FBP1: variants seen among roughly 807,000 people sequenced by gnomAD.
FBP1 encodes fructose-bisphosphatase 1, also known as fructose-1,6-bisphosphatase 1.
In FBP1, 22 loss-of-function variants were observed where a neutral mutation model predicts 29.9. The ratio of observed to expected loss-of-function variants is 0.74; its 90% confidence interval spans 0.53 to 1.05. FBP1 has a LOEUF of 1.05. Ranked by LOEUF, FBP1 falls within the 50% of genes least tolerant of loss-of-function variation. The probability of loss-of-function intolerance (pLI) is 0.00; values close to 1 mark genes in which losing one functional copy is unlikely to be tolerated. For synonymous variants in FBP1, 175 were observed against 178.6 expected (o/e 0.98, Z 0.16); for missense variants, 345 against 448.2 (o/e 0.77, Z 2.08).
At chr9:94,621,724 GT>G (rs1444325881) in intron 1 of FBP1, among the ~76,000 whole-genome samples, 2 of 152,134 alleles carry the variant, frequency 1.3e-5, no homozygotes, top group Admixed American at 1.3e-4. Flanking sequence ...GGTGTTTTTG[GT>G]TTTGCCCAGA....
At chr9:94,621,691 G>A (rs1350306073) in intron 1 of FBP1, among the ~76,000 whole-genome samples, 1 of 152,070 alleles carries the variant, frequency 6.6e-6, no homozygotes, top group Non-Finnish European at 1.5e-5. Context: ...GTGTCTCAGT[G>A]CTTTTTACAT....
Position 94,603,260 on chromosome 9 carries a change from A to T in FBP1, c.*121T>A. On this transcript the variant is annotated 3_prime_UTR_variant, in exon 7 of 7. Coordinates refer to ENST00000375326, the MANE Select transcript of FBP1 (RefSeq NM_000507.4). ...CATTCTACAGCATTTGATGGTGGAA[A>T]TAGTCATGCTTTTTATTTCTGCTCT... The T allele has an allele frequency of 1.2e-6, 1 of 833,980 alleles. No individual in the cohort carries two copies. Among genetic ancestry groups the T allele is most frequent in the East Asian group, 2.7e-5 (1 of 37,676 alleles). 51.7% of individuals were successfully genotyped at this position (833,980 alleles called of 1,614,324 possible).
At position 94,639,416 on chromosome 9, in the gene FBP1, T is replaced by TGCAGGTGCGGGCG. The variant is rs1407737102; in HGVS notation, c.-119_-107dup. Reference sequence around the variant, plus strand: ...TAGGCACTGGCCGCAGGTGCGGAGCTGCAGGTGCGGGCGGCAGGTGCGGGC... The same window carrying TGCAGGTGCGGGCG: ...TAGGCACTGGCCGCAGGTGCGGAGCTGCAGGTGCGGGCGGCAGGTGCGGGCGGCAGGTGCGGGC... On this transcript the variant is annotated 5_prime_UTR_variant, in exon 1 of 7. Transcript: ENST00000375326. The TGCAGGTGCGGGCG allele has an allele frequency of 2.2e-6, 3 of 1,337,790 alleles. No individual in the cohort carries two copies. The highest frequency in any genetic ancestry group is 2.1e-6 in the Non-Finnish European group (2 of 957,956). 82.9% of individuals were successfully genotyped at this position (1,337,790 alleles called of 1,614,324 possible).
chr9:94,637,682 C>T (rs1443279279), intron 1 of FBP1, among the ~76,000 whole-genome samples: 4 of 152,134 alleles, frequency 2.6e-5, no homozygotes, highest in Admixed American at 6.5e-5. Flanking sequence ...AGAGCCTACG[C>T]GCCCAGCCCA....
rs1827637291 is a variant in FBP1 at position 94,603,274 on chromosome 9, TA to T, written c.*106del. The T allele has an allele frequency of 1.1e-6, 1 of 926,946 alleles. No individual in the cohort carries two copies. The highest frequency in any genetic ancestry group is 1.7e-6 in the Non-Finnish European group (1 of 578,408). The allele number at this position is 926,946 out of a possible 1,614,324, so 57.4% of individuals were successfully genotyped here. On this transcript the variant is annotated 3_prime_UTR_variant, in exon 7 of 7. Coordinates refer to ENST00000375326, the MANE Select transcript of FBP1 (RefSeq NM_000507.4). ...TGATGGTGGAAATAGTCATGCTTTT[TA>T]TTTCTGCTCTCTAGGAATGTAAGGT...
At chr9:94,612,416 A>G (rs1235879730) in intron 3 of FBP1, among the ~76,000 whole-genome samples, 1 of 152,210 alleles carries the variant, frequency 6.6e-6, no homozygotes, top group African/African-American at 2.4e-5. Context: ...CAAATGCTCT[A>G]CATTTATACA....
chr9:94,626,916 C>T (rs1036106630), intron 1 of FBP1, among the ~76,000 whole-genome samples: 7 of 151,936 alleles, frequency 4.6e-5, no homozygotes, highest in Admixed American at 6.6e-5. Context: ...TGGCCAGTCG[C>T]AGTGGCTCAC....
chr9:94,609,200 AAAAAAAG>A (rs1288465639), intron 4 of FBP1, among the ~76,000 whole-genome samples: 1 of 150,544 alleles, frequency 6.6e-6, no homozygotes, highest in African/African-American at 2.5e-5. Context: ...GAAAAAAAAA[AAAAAAAG>A]AAAGAAAGAC....
chr9:94,613,605 A>T (rs2131481313), intron 3 of FBP1, among the ~76,000 whole-genome samples: 1 of 152,140 alleles, frequency 6.6e-6, no homozygotes, highest in African/African-American at 2.4e-5. Flanking sequence ...TTGTCTCTAC[A>T]GACAATACAA....
intron 3 of FBP1, among the ~76,000 whole-genome samples, chr9:94,613,334 T>C (rs1415147529): frequency 2.0e-5 from 3 of 152,184 alleles, no homozygotes; most frequent in Non-Finnish European, 4.4e-5. Flanking sequence ...TTTCCAAACA[T>C]GTCAAAGAAT....
At chr9:94,637,169 C>T (rs932737668) in intron 1 of FBP1, among the ~76,000 whole-genome samples, 2 of 152,154 alleles carry the variant, frequency 1.3e-5, no homozygotes, top group Non-Finnish European at 2.9e-5. Flanking sequence ...CATCACCTTC[C>T]TTAACATGTC....
intron 3 of FBP1, among the ~76,000 whole-genome samples, chr9:94,616,208 C>T (rs984294810): frequency 5.3e-5 from 8 of 151,998 alleles, no homozygotes; most frequent in Non-Finnish European, 8.8e-5. Flanking sequence ...CGATTCCAGC[C>T]TGTGAGGTTT....
intron 1 of FBP1, among the ~76,000 whole-genome samples, chr9:94,625,368 G>A (rs1477522917): frequency 1.3e-5 from 2 of 152,200 alleles, no homozygotes; most frequent in African/African-American, 4.8e-5. Flanking sequence ...CACTCTGCAA[G>A]GACGCATGGC....
chr9:94,619,955 T>C (rs1200906223), intron 2 of FBP1, among the ~76,000 whole-genome samples: 3 of 149,174 alleles, frequency 2.0e-5, no homozygotes, highest in Non-Finnish European at 4.4e-5. Context: ...GGATGGAAGT[T>C]TCAAGCAGTC....
At chr9:94,630,741 C>A (rs10761347) in intron 1 of FBP1, among the ~76,000 whole-genome samples, 55,256 of 152,128 alleles carry the variant, frequency 0.36, 10,215 homozygotes, top group Admixed American at 0.43. Flanking sequence ...AAGAACTCAG[C>A]ACCAGAAAGA....
chr9:94,631,717 G>T (rs1406567853), intron 1 of FBP1, among the ~76,000 whole-genome samples: 1 of 152,174 alleles, frequency 6.6e-6, no homozygotes, highest in African/African-American at 2.4e-5. Flanking sequence ...CCAGACTCGG[G>T]CTCGGAACAC....
At chr9:94,614,478 C>G (rs1037171514) in intron 3 of FBP1, among the ~76,000 whole-genome samples, 3 of 151,372 alleles carry the variant, frequency 2.0e-5, no homozygotes, top group African/African-American at 7.3e-5. Context: ...AGGCAGAGGT[C>G]GCAGGGAGCT....
chr9:94,629,857 C>A (rs1486295044), intron 1 of FBP1, among the ~76,000 whole-genome samples: 1 of 152,202 alleles, frequency 6.6e-6, no homozygotes, highest in Non-Finnish European at 1.5e-5. Context: ...GAGGCCTGGG[C>A]CCAACCTGCT....
In FBP1 at chr9:94,639,313, T is replaced by C. The variant is rs1284003379; in HGVS notation, c.-3A>G. 6.2e-7 allele frequency: 1 copy of C among 1,606,012 alleles called. No homozygotes were observed. Among genetic ancestry groups the C allele is most frequent in the Non-Finnish European group, 8.5e-7 (1 of 1,176,454 alleles). ...TCGAAGGGCGCCTGGTCAGCCATGC[T>C]TGAACCGGGTAGAGCGCGGGGCTGC... is the stretch of plus-strand genomic sequence containing the variant. On this transcript the variant is annotated 5_prime_UTR_variant, in exon 1 of 7. Transcript: ENST00000375326.
Sources: allele counts gnomAD v4.1 joint callset (sites outside exome capture counted in the v4.1 genomes callset), GRCh38; gene constraint gnomAD v4.1.1; transcripts MANE v1.5; gene names NCBI Gene and HGNC (gene_info 2026-07-23, HGNC 2026-07-21).